Variants in PRKN observed in about 807,000 individuals in gnomAD.
PRKN encodes E3 ubiquitin-protein ligase parkin.
In PRKN, 56 loss-of-function variants were observed where a neutral mutation model predicts 59.5. That is an observed-to-expected ratio of 0.94 (90% CI 0.76 to 1.18). The LOEUF (loss-of-function observed/expected upper bound fraction) is 1.18. Among genes scored for constraint, PRKN ranks in the 50% most tolerant of loss-of-function variants. PRKN has a pLI of 0.00. For synonymous variants in PRKN, 250 were observed against 222.1 expected (o/e 1.13, Z -1.12); for missense variants, 657 against 596.4 (o/e 1.10, Z -1.06).
intron 2 of PRKN, among the ~76,000 whole-genome samples, chr6:162,417,986 C>T (rs1443487937): frequency 1.3e-5 from 2 of 152,200 alleles, no homozygotes; most frequent in African/African-American, 2.4e-5. Context: ...TACCACATGA[C>T]CCGGCAATTC....
intron 4 of PRKN, among the ~76,000 whole-genome samples, chr6:162,059,094 G>T (rs1777990184): frequency 6.6e-6 from 1 of 151,908 alleles, no homozygotes; most frequent in African/African-American, 2.4e-5. Flanking sequence ...GCATATCACA[G>T]ATGTTTATTT....
chr6:162,544,869 G>T (rs1468869193), intron 1 of PRKN, among the ~76,000 whole-genome samples: 1 of 149,810 alleles, frequency 6.7e-6, no homozygotes, highest in Non-Finnish European at 1.5e-5. Context: ...TATAGACAGG[G>T]TTTCACCAGG....
chr6:161,632,730 A>G (rs994378044), intron 7 of PRKN, among the ~76,000 whole-genome samples: 1 of 152,206 alleles, frequency 6.6e-6, no homozygotes, highest in East Asian at 1.9e-4. Context: ...GAAACTTACA[A>G]TCATGGCAGA....
intron 7 of PRKN, among the ~76,000 whole-genome samples, chr6:161,609,923 A>ATAAT (rs1414011903): frequency 6.6e-6 from 1 of 152,328 alleles, no homozygotes; most frequent in African/African-American, 2.4e-5. Flanking sequence ...ATTGTTTTGA[A>ATAAT]TAATTAGCTA....
In PRKN at chr6:161,390,557, C is replaced by T. The variant is rs558569407; in HGVS notation, c.1084-3680G>A. On this transcript the variant is annotated intron_variant, in intron 9 of 11. Transcript: ENST00000366898. This position sits in a 1 kb window ranked among gnomAD's most constrained non-coding sequence, Gnocchi z 7.0. ...AGGCTGGAGTGCAGTGGCACCATCT[C>T]GGCTCACTGCAACCTCCGCCTCCCG... Among the ~76,000 whole-genome samples, 3 of 152,284 alleles carry T rather than the reference C, an allele frequency of 2.0e-5. No homozygotes were observed. Among genetic ancestry groups the T allele is most frequent in the South Asian group, 2.1e-4 (1 of 4,822 alleles).
chr6:161,643,472 T>A (rs1173162458), intron 7 of PRKN, among the ~76,000 whole-genome samples: 2 of 152,212 alleles, frequency 1.3e-5, no homozygotes, highest in Non-Finnish European at 2.9e-5. Context: ...TTTAGATAAC[T>A]CAAATTCAAT....
chr6:162,528,090 G>T (rs1778363978), intron 1 of PRKN, among the ~76,000 whole-genome samples: 2 of 151,054 alleles, frequency 1.3e-5, no homozygotes, highest in South Asian at 2.1e-4. Context: ...AGGGGTGCGG[G>T]GCGGCGGGTC....
At chr6:162,512,592 A>G (rs1195779393) in intron 1 of PRKN, among the ~76,000 whole-genome samples, 2 of 152,118 alleles carry the variant, frequency 1.3e-5, no homozygotes, top group African/African-American at 2.4e-5. Flanking sequence ...GGTGTTACTA[A>G]TTTTGTCATG....
chr6:161,391,215 G>A lies in PRKN; in HGVS notation c.1084-4338C>T, dbSNP rs1786490279. Among the ~76,000 whole-genome samples the A allele has an allele frequency of 6.6e-6, 1 of 152,052 alleles. No homozygotes were observed. Among genetic ancestry groups the A allele is most frequent in the Non-Finnish European group, 1.5e-5 (1 of 68,024 alleles). On this transcript the variant is annotated intron_variant, in intron 9 of 11. Transcript: ENST00000366898. This position sits in a 1 kb window ranked among gnomAD's most constrained non-coding sequence, Gnocchi z 4.9. ...TCCTTCTTTAACCAACCATGTAGAAGGCTGAAATTTACCCAGGGATTTGCT... is the reference window on the plus strand; with the variant it reads ...TCCTTCTTTAACCAACCATGTAGAAAGCTGAAATTTACCCAGGGATTTGCT...
chr6:162,584,943 G>T (rs1164575662), intron 1 of PRKN, among the ~76,000 whole-genome samples: 10 of 143,820 alleles, frequency 7.0e-5, no homozygotes, highest in Non-Finnish European at 1.4e-4. Flanking sequence ...GTCTCACTCT[G>T]TCGCCCAGGC....
intron 1 of PRKN, among the ~76,000 whole-genome samples, chr6:162,530,950 G>T (rs557529690): frequency 1.3e-5 from 2 of 151,626 alleles, no homozygotes; most frequent in Non-Finnish European, 2.9e-5. Context: ...CCAGTTACTT[G>T]GTAGCCTGAG....
At chr6:162,410,969 C>T (rs1583525488) in intron 2 of PRKN, among the ~76,000 whole-genome samples, 1 of 151,182 alleles carries the variant, frequency 6.6e-6, no homozygotes, top group East Asian at 1.9e-4. Context: ...CTTCTGGTGT[C>T]TCTCCTTAAA....
chr6:161,488,675 T>C lies in PRKN; in HGVS notation c.1083+60179A>G, dbSNP rs28507522. Among the ~76,000 whole-genome samples, 1 of 151,734 alleles carries C rather than the reference T, an allele frequency of 6.6e-6. No homozygotes were observed. The highest frequency in any genetic ancestry group is 1.5e-5 in the Non-Finnish European group (1 of 67,942). ...TAATTTTTAAAATTTTTTGTAGAGGTGGGGTCTCACTATGTTGCCCAGGCT... is the reference window on the plus strand; with the variant it reads ...TAATTTTTAAAATTTTTTGTAGAGGCGGGGTCTCACTATGTTGCCCAGGCT... On this transcript the variant is annotated intron_variant, in intron 9 of 11. Transcript: ENST00000366898. This position sits in a 1 kb window ranked among gnomAD's most constrained non-coding sequence, Gnocchi z 4.5.
Position 161,484,557 on chromosome 6 carries a change from A to G in PRKN, c.1083+64297T>C, listed in dbSNP as rs1320065015. On this transcript the variant is annotated intron_variant, in intron 9 of 11. Transcript: ENST00000366898. The surrounding 1 kb of genome is among the most constrained non-coding windows in gnomAD (Gnocchi z 4.9). ...AAAGATGAGACAGTTGACACTTGGG[A>G]AGCTTAGGAAGGTTTCCCAAAGCAA... is the stretch of plus-strand genomic sequence containing the variant. Among the ~76,000 whole-genome samples, 2 of 152,138 alleles carry G rather than the reference A, an allele frequency of 1.3e-5. No homozygotes were observed. Among genetic ancestry groups the G allele is most frequent in the East Asian group, 3.9e-4 (2 of 5,176 alleles).
At chr6:161,595,067 C>T (rs1177348153) in intron 7 of PRKN, among the ~76,000 whole-genome samples, 7 of 152,126 alleles carry the variant, frequency 4.6e-5, no homozygotes, top group South Asian at 4.1e-4. Flanking sequence ...CAAACAATGC[C>T]GTGAGAAATC....
chr6:161,627,908 A>G (rs114840498), intron 7 of PRKN, among the ~76,000 whole-genome samples: 2,143 of 152,250 alleles, frequency 0.014, 32 homozygotes, highest in Middle Eastern at 0.041. Flanking sequence ...ATGCCCTAAA[A>G]TGTCTCTGAG....
chr6:162,365,993 C>T (rs971903897), intron 2 of PRKN, among the ~76,000 whole-genome samples: 2 of 152,042 alleles, frequency 1.3e-5, no homozygotes, highest in African/African-American at 4.8e-5. Flanking sequence ...TAGAGAGATG[C>T]CTCGAAGTAA....
intron 7 of PRKN, among the ~76,000 whole-genome samples, chr6:161,717,993 GGCAGAAC>G (rs1187421758): frequency 1.3e-5 from 2 of 152,172 alleles, no homozygotes; most frequent in African/African-American, 2.4e-5. Flanking sequence ...ACAGACGCAT[GGCAGAAC>G]GTGGGGAGAA....
intron 2 of PRKN, among the ~76,000 whole-genome samples, chr6:162,406,639 G>A (rs2128152487): frequency 6.6e-6 from 1 of 152,252 alleles, no homozygotes; most frequent in East Asian, 1.9e-4. Flanking sequence ...CACAGACTGA[G>A]GTCAAGAGTC....
Sources: gnomAD v4.1 joint callset for allele counts (sites outside exome capture counted in the v4.1 genomes callset) on GRCh38, gnomAD v4.1.1 for gene constraint, Gnocchi (gnomAD v3.1) non-coding constraint, MANE v1.5 for transcripts, NCBI Gene and HGNC (gene_info 2026-07-23, HGNC 2026-07-21) for gene names.